Variants in RUVBL1 observed in about 807,000 individuals in gnomAD.
RUVBL1 encodes the protein RuvB like AAA ATPase 1, also known as ruvB-like 1.
In RUVBL1, 4 loss-of-function variants were observed where a neutral mutation model predicts 52.4. The ratio of observed to expected loss-of-function variants is 0.08; its 90% CI spans 0.04 to 0.17. The LOEUF is 0.17. Among genes scored for constraint, RUVBL1 ranks in the 10% least tolerant of loss-of-function variants. The pLI is 1.00. For synonymous variants in RUVBL1, 217 were observed against 214.4 expected (o/e 1.01, Z -0.10); for missense variants, 298 against 572.8 (o/e 0.52, Z 4.90).
In RUVBL1 at chr3:128,074,842, C is replaced by CAAA. The variant is rs386397876; in HGVS notation, c.940-9625_940-9623dup. Reference sequence around the variant, plus strand: ...GGGCAACAGGAGCGAAACTCCGTCTCAAAAAAAAAAAAAAAAAAAAAAACT... The same window carrying CAAA: ...GGGCAACAGGAGCGAAACTCCGTCTCAAAAAAAAAAAAAAAAAAAAAAAAAACT... On this transcript the variant is annotated intron_variant, in intron 9 of 9. Coordinates refer to the RUVBL1 transcript ENST00000464873. 8.8e-4 allele frequency among the ~76,000 whole-genome samples: 64 copies of CAAA among 72,762 alleles called. 4 individuals carry two copies. Among genetic ancestry groups the CAAA allele is most frequent in the African/African-American group, 2.2e-3 (44 of 20,354 alleles). The allele number at this position is 72,762 out of a possible 152,430, so 47.7% of individuals were successfully genotyped here. A position where few individuals can be genotyped will look rare whatever the true frequency, so the allele number is the denominator to read the frequency against.
chr3:128,135,564 A>G (rs1943935858), intron 1 of RUVBL1, among the ~76,000 whole-genome samples: 1 of 152,244 alleles, frequency 6.6e-6, no homozygotes, highest in African/African-American at 2.4e-5. Context: ...AAACTGCTGA[A>G]GAAAAAATAT....
upstream of RUVBL1, among the ~76,000 whole-genome samples, chr3:128,124,446 A>G (rs559155662): frequency 5.3e-5 from 8 of 152,330 alleles, no homozygotes; most frequent in South Asian, 1.4e-3. Flanking sequence ...CGCCCAAGAA[A>G]GCATCACAAA....
chr3:128,090,080 T>C (rs1326692570), intron 8 of RUVBL1, among the ~76,000 whole-genome samples: 1 of 152,184 alleles, frequency 6.6e-6, no homozygotes, highest in African/African-American at 2.4e-5. Context: ...ATAGTGGCGA[T>C]GGTCATGCCA....
chr3:128,150,755 C>A (rs144609957), intron 1 of RUVBL1, among the ~76,000 whole-genome samples: 29,939 of 100,264 alleles, frequency 0.3, 4,721 homozygotes, highest in South Asian at 0.38. Context: ...TATATATTCT[C>A]TATATATTCT....
intron 1 of RUVBL1, among the ~76,000 whole-genome samples, chr3:128,129,770 A>C (rs1943846954): frequency 6.6e-6 from 1 of 152,220 alleles, no homozygotes; most frequent in Non-Finnish European, 1.5e-5. Context: ...AGCCAGTCAC[A>C]AAAAGACAAG....
chr3:128,113,426 A>C (rs1252393870), intron 2 of RUVBL1, among the ~76,000 whole-genome samples: 1 of 152,210 alleles, frequency 6.6e-6, no homozygotes, highest in East Asian at 1.9e-4. Flanking sequence ...AGGACTCCAA[A>C]GATCATGTTA....
chr3:128,148,255 AAG>A (rs1422980692), intron 1 of RUVBL1, among the ~76,000 whole-genome samples: 1 of 152,182 alleles, frequency 6.6e-6, no homozygotes, highest in Non-Finnish European at 1.5e-5. Flanking sequence ...AATCCAGGTG[AAG>A]AGATGATGGC....
exon 10 of RUVBL1, chr3:128,064,846 C>G: frequency 6.5e-7 from 1 of 1,542,840 alleles, no homozygotes; most frequent in Non-Finnish European, 8.7e-7. Flanking sequence ...CCTGTTCGTT[C>G]CTTCATATAT....
intron 9 of RUVBL1, among the ~76,000 whole-genome samples, chr3:128,066,306 G>A (rs1941975936): frequency 6.6e-6 from 1 of 152,128 alleles, no homozygotes; most frequent in Admixed American, 6.5e-5. Context: ...TTGGGATTTG[G>A]GTGTGTGGCC....
chr3:128,106,677 T>A (rs1197218700), intron 3 of RUVBL1, among the ~76,000 whole-genome samples: 1 of 152,228 alleles, frequency 6.6e-6, no homozygotes, highest in Non-Finnish European at 1.5e-5. Flanking sequence ...GGGGTTGTCA[T>A]TAGGCACATC....
At chr3:128,123,372 A>G (rs1031560687) in intron 1 of RUVBL1, among the ~76,000 whole-genome samples, 20 of 152,152 alleles carry the variant, frequency 1.3e-4, no homozygotes, top group African/African-American at 4.6e-4. Flanking sequence ...AACTGCCCCC[A>G]GTGGATCGTC....
chr3:128,124,809 G>A (rs147434482), upstream of RUVBL1, among the ~76,000 whole-genome samples: 221 of 152,260 alleles, frequency 1.5e-3, no homozygotes, highest in Non-Finnish European at 2.4e-3. Context: ...TCATGAAGGT[G>A]ATGTTGCCTT....
upstream of RUVBL1, among the ~76,000 whole-genome samples, chr3:128,126,804 G>C (rs1415234820): frequency 3.3e-5 from 5 of 152,302 alleles, no homozygotes; most frequent in East Asian, 1.9e-4. Context: ...CAGTGGACAG[G>C]GTTATTCCTG....
chr3:128,120,953 C>A (rs1288636641), intron 1 of RUVBL1, among the ~76,000 whole-genome samples: 1 of 150,956 alleles, frequency 6.6e-6, no homozygotes, highest in Non-Finnish European at 1.5e-5. Flanking sequence ...TGCACTCCAG[C>A]CTGGGCGACA....
At chr3:128,076,933 G>C (rs1456518387), downstream of RUVBL1, among the ~76,000 whole-genome samples, 1 of 152,088 alleles carries the variant, frequency 6.6e-6, no homozygotes, top group Non-Finnish European at 1.5e-5. The surrounding 1 kb of genome is among the most constrained non-coding windows in gnomAD (Gnocchi z 6.8). Flanking sequence ...ATCACGCGGC[G>C]CTGACGGCGC....
intron 3 of RUVBL1, among the ~76,000 whole-genome samples, chr3:128,108,168 T>C (rs1368699335): frequency 2.0e-5 from 3 of 152,242 alleles, no homozygotes; most frequent in Non-Finnish European, 4.4e-5. Flanking sequence ...ACAGACTCCC[T>C]GCTTTTTATT....
chr3:128,080,337 T>C (rs988940396), downstream of RUVBL1, among the ~76,000 whole-genome samples: 1 of 152,232 alleles, frequency 6.6e-6, no homozygotes, highest in East Asian at 1.9e-4. Flanking sequence ...TACTCAGTTC[T>C]CTAGAGGTGA....
At chr3:128,140,727 C>T (rs1014845528) in intron 1 of RUVBL1, among the ~76,000 whole-genome samples, 1 of 151,940 alleles carries the variant, frequency 6.6e-6, no homozygotes, top group African/African-American at 2.4e-5. Context: ...TATCATGGAG[C>T]ATATATAAAA....
intron 9 of RUVBL1, among the ~76,000 whole-genome samples, chr3:128,086,675 T>C (rs1942654378): frequency 6.6e-6 from 1 of 152,206 alleles, no homozygotes; most frequent in Non-Finnish European, 1.5e-5. Context: ...TACAGCTCCA[T>C]GACTCAAATG....
Sources: allele counts gnomAD v4.1 joint callset (sites outside exome capture counted in the v4.1 genomes callset), GRCh38; gene constraint gnomAD v4.1.1; non-coding constraint Gnocchi (gnomAD v3.1); transcripts MANE v1.5; gene names NCBI Gene and HGNC (gene_info 2026-07-23, HGNC 2026-07-21).